Variants in MYH15 observed in about 807,000 individuals in gnomAD.
The protein encoded by MYH15 is myosin heavy chain 15, also known as myosin-15.
In MYH15, 227 loss-of-function variants were observed where a neutral mutation model predicts 240.5. That is an observed-to-expected ratio of 0.94 (90% CI 0.85 to 1.05). MYH15 has a LOEUF of 1.05. Ranked by LOEUF, MYH15 falls within the 50% of genes least tolerant of loss-of-function variation. The pLI is 0.00. For missense variants in MYH15, 2,217 were observed against 2,247.5 expected, an observed-to-expected ratio of 0.99 and a Z score of 0.27; for synonymous variants, 785 against 796.7, an observed-to-expected ratio of 0.99 and a Z score of 0.25.
At chr3:108,419,411 G>A (rs971630244) in intron 28 of MYH15, among the ~76,000 whole-genome samples, 3 of 152,052 alleles carry the variant, frequency 2.0e-5, no homozygotes, top group African/African-American at 4.8e-5. Flanking sequence ...TATTTTACTC[G>A]CTACCCACTA....
At chr3:108,461,256 A>C (rs1456243033) in intron 16 of MYH15, among the ~76,000 whole-genome samples, 1 of 152,126 alleles carries the variant, frequency 6.6e-6, no homozygotes, top group Non-Finnish European at 1.5e-5. Context: ...GTTCTTTTGA[A>C]ACACCCCAGG....
Position 108,428,386 on chromosome 3 carries a change from C to T in MYH15, c.3702+106G>A, listed in dbSNP as rs1003854737. On this transcript the variant is annotated intron_variant, in intron 27 of 40. Coordinates refer to ENST00000693548, the MANE Select transcript of MYH15 (RefSeq NM_014981.3). Reference sequence around the variant, plus strand: ...GGACTATAGTCTTCATTAGAAAATACACTGAGTCACTAAGCTGGCTTATTT... The same window carrying T: ...GGACTATAGTCTTCATTAGAAAATATACTGAGTCACTAAGCTGGCTTATTT... The T allele has an allele frequency of 6.8e-6, 9 of 1,316,070 alleles. No homozygotes were observed. The African/African-American group carries it at 1.2e-4, about 17-fold the overall frequency. The allele number at this position is 1,316,070 out of a possible 1,614,324, so 81.5% of individuals were successfully genotyped here. A position where few individuals can be genotyped will look rare whatever the true frequency, so the allele number is the denominator to read the frequency against.
At chr3:108,441,570 T>C (rs953528178) in intron 22 of MYH15, among the ~76,000 whole-genome samples, 1 of 152,142 alleles carries the variant, frequency 6.6e-6, no homozygotes, top group Non-Finnish European at 1.5e-5. Context: ...AAATCAGTGG[T>C]GTGCTGCTTA....
chr3:108,529,335 G>T, upstream of MYH15: 1 of 1,339,458 alleles, frequency 7.5e-7, no homozygotes, highest in Admixed American at 1.9e-5. Flanking sequence ...CTAAATTGAG[G>T]ATCCGATGAG....
Position 108,454,048 on chromosome 3 carries a change from C to T in MYH15, c.2357G>A (p.Gly786Asp). Residue 786 changes from glycine to aspartate, a missense_variant, in exon 21 of 41, where the codon GGC becomes GAC. Coordinates refer to ENST00000693548, the MANE Select transcript of MYH15 (RefSeq NM_014981.3). ...VFTLFQARAQ[G>D]KLMRIKFQKI... ...CTGGAATTTGATTCGCATCAGTTTG[C>T]CCTGTGCTCTGGCTTGGAACAATGT... 6.2e-7 allele frequency: 1 copy of T among 1,612,762 alleles called. No homozygotes were observed. Among genetic ancestry groups the T allele is most frequent in the Non-Finnish European group, 8.5e-7 (1 of 1,179,178 alleles).
chr3:108,393,531 A>G (rs1277591099), intron 36 of MYH15, among the ~76,000 whole-genome samples: 1 of 152,238 alleles, frequency 6.6e-6, no homozygotes, highest in Non-Finnish European at 1.5e-5. Flanking sequence ...GCCATCATCA[A>G]CTGGAAAATA....
chr3:108,418,386 C>T (rs1402654282), intron 28 of MYH15, among the ~76,000 whole-genome samples: 1 of 152,188 alleles, frequency 6.6e-6, no homozygotes, highest in African/African-American at 2.4e-5. Flanking sequence ...ACCGTGAGTA[C>T]ATATTAGCGA....
intron 7 of MYH15, among the ~76,000 whole-genome samples, chr3:108,495,527 A>G (rs1199783387): frequency 6.6e-6 from 1 of 152,190 alleles, no homozygotes; most frequent in African/African-American, 2.4e-5. Flanking sequence ...GTGGAATTTG[A>G]AACTATTAAG....
At chr3:108,435,524 C>A (rs904283205) in intron 25 of MYH15, among the ~76,000 whole-genome samples, 1 of 151,798 alleles carries the variant, frequency 6.6e-6, no homozygotes, top group Non-Finnish European at 1.5e-5. Context: ...TCTATGAATT[C>A]GATTATTTTA....
At chr3:108,423,716 CTAAA>C (rs1449244178) in intron 27 of MYH15, among the ~76,000 whole-genome samples, 1 of 152,172 alleles carries the variant, frequency 6.6e-6, no homozygotes, top group Non-Finnish European at 1.5e-5. Flanking sequence ...ACCAGAGAGG[CTAAA>C]TAACTAGCCC....
chr3:108,511,832 C>G (rs926706686), upstream of MYH15, among the ~76,000 whole-genome samples: 2 of 152,216 alleles, frequency 1.3e-5, no homozygotes, highest in African/African-American at 4.8e-5. Flanking sequence ...TGCACTTAAT[C>G]TGCTCTCTTC....
chr3:108,491,444 T>C (rs142167927), intron 9 of MYH15, among the ~76,000 whole-genome samples: 1 of 152,284 alleles, frequency 6.6e-6, no homozygotes, highest in East Asian at 1.9e-4. Context: ...AACTTGGGGA[T>C]ATTTTTGACT....
intron 4 of MYH15, among the ~76,000 whole-genome samples, 193 bp from the exon 5 acceptor site, chr3:108,499,675 C>T (rs1165765773): frequency 6.6e-6 from 1 of 152,080 alleles, no homozygotes; most frequent in Non-Finnish European, 1.5e-5. Context: ...CCTATGTATG[C>T]CAATCATAAG....
In MYH15 at chr3:108,436,082, T is replaced by C. The variant is rs80326528; in HGVS notation, c.3221+1472A>G. Among the ~76,000 whole-genome samples the C allele has an allele frequency of 8.7e-3, 1,325 of 152,292 alleles. 131 individuals are homozygous for C. The East Asian group carries it at 0.22, about 26-fold the overall frequency. ...ATAATTCCAATACCATTTAAGTCTC[T>C]TGTCATCGCTAATTTGAAATGCCAC... On this transcript the variant is annotated intron_variant, in intron 25 of 40. Transcript: ENST00000693548.
At chr3:108,493,071 G>A (rs1382090936) in intron 8 of MYH15, 43 bp downstream of exon 8, 38 of 1,508,318 alleles carry the variant, frequency 2.5e-5, no homozygotes, top group Admixed American at 5.1e-5. Flanking sequence ...GGAAGGAAGG[G>A]AAGAAAAGAA....
intron 33 of MYH15, chr3:108,405,108 TA>T (rs1312524120): frequency 1.5e-5 from 4 of 274,630 alleles, no homozygotes; most frequent in African/African-American, 8.8e-5. Flanking sequence ...TAATTGTGTA[TA>T]AAGGAATATC....
At chr3:108,518,533 T>C (rs892025113) in intron 1 of MYH15, among the ~76,000 whole-genome samples, 5 of 152,204 alleles carry the variant, frequency 3.3e-5, no homozygotes, top group African/African-American at 4.8e-5. Context: ...CCGCATCCTA[T>C]GATAAAAGCC....
intron 20 of MYH15, among the ~76,000 whole-genome samples, chr3:108,454,781 A>G (rs1205321667): frequency 6.6e-6 from 1 of 152,226 alleles, no homozygotes; most frequent in Non-Finnish European, 1.5e-5. Flanking sequence ...TGCCTAAAGC[A>G]CACATTTTAT....
At chr3:108,498,240 G>C in intron 5 of MYH15, 95 bp from the exon 6 acceptor site, 2 of 1,063,424 alleles carry the variant, frequency 1.9e-6, no homozygotes, top group Admixed American at 3.7e-5. Flanking sequence ...TGGCAAGCAG[G>C]GAAGCTTTTA....
Sources: gnomAD v4.1 joint callset for allele counts (sites outside exome capture counted in the v4.1 genomes callset) on GRCh38, gnomAD v4.1.1 for gene constraint, MANE v1.5 for transcripts, NCBI Gene and HGNC (gene_info 2026-07-23, HGNC 2026-07-21) for gene names.